The following ADAM9 variants were observed in gnomAD, a reference collection of about 807,000 sequenced individuals.
ADAM9 encodes the protein disintegrin and metalloproteinase domain-containing protein 9.
In ADAM9, 54 loss-of-function variants were observed where a neutral mutation model predicts 108.1. The observed-to-expected ratio is 0.50, with a 90% CI of 0.40 to 0.63. The LOEUF (loss-of-function observed/expected upper bound fraction) is 0.63, where lower values mean the gene tolerates loss of function less well. Ranked by LOEUF, ADAM9 falls within the 20% of genes least tolerant of loss-of-function variation. The pLI is 0.00. For synonymous variants in ADAM9, 316 were observed against 336.0 expected (o/e 0.94, Z 0.65); for missense variants, 830 against 997.7 (o/e 0.83, Z 2.26).
At chr8:39,093,970 C>G (rs1383088987) in intron 20 of ADAM9, among the ~76,000 whole-genome samples, 1 of 152,076 alleles carries the variant, frequency 6.6e-6, no homozygotes, top group Non-Finnish European at 1.5e-5. Context: ...CAGGGTTTTG[C>G]CATATTGGCC....
intron 16 of ADAM9, among the ~76,000 whole-genome samples, chr8:39,079,723 T>C (rs1450013358): frequency 6.6e-6 from 1 of 152,152 alleles, no homozygotes; most frequent in Admixed American, 6.5e-5. Context: ...TAGCTGGGAT[T>C]ACAGGCATCT....
intron 12 of ADAM9, among the ~76,000 whole-genome samples, chr8:39,054,225 T>A (rs1838043013): frequency 6.6e-6 from 1 of 152,130 alleles, no homozygotes; most frequent in Non-Finnish European, 1.5e-5. Flanking sequence ...AAACCTGTGG[T>A]ATTTTGTTAT....
chr8:39,090,162 C>T lies in ADAM9; in HGVS notation c.2184C>T (p.Phe728=), dbSNP rs1839306392. Residue 728 remains phenylalanine (F), a synonymous_variant, in exon 19 of 22, where the codon TTC becomes TTT. Coordinates refer to ENST00000487273, the MANE Select transcript of ADAM9 (RefSeq NM_003816.3). ...GGGATCAACTGTGGAGAAGCTACTT[C>T]AGAAAGAAGAGATCACAAACATATG... ...IKRDQLWRSY[F]RKKRSQTYES... is the part of the protein sequence containing the mutation. The T allele has an allele frequency of 6.2e-7, 1 of 1,613,744 alleles. No homozygotes were observed. The highest frequency in any genetic ancestry group is 1.1e-5 in the South Asian group (1 of 91,058).
intron 11 of ADAM9, among the ~76,000 whole-genome samples, chr8:39,030,010 C>CT (rs1837049435): frequency 6.6e-6 from 1 of 152,108 alleles, no homozygotes; most frequent in South Asian, 2.1e-4. Flanking sequence ...CTCCCATATA[C>CT]TTTCTGTCCC....
At chr8:39,056,461 T>A (rs913412310) in intron 14 of ADAM9, among the ~76,000 whole-genome samples, 1 of 152,156 alleles carries the variant, frequency 6.6e-6, no homozygotes. Flanking sequence ...CTATAGAAGA[T>A]GAGTTAGTTT....
intron 11 of ADAM9, among the ~76,000 whole-genome samples, chr8:39,039,843 A>G (rs541709197): frequency 2.6e-5 from 4 of 152,160 alleles, no homozygotes; most frequent in Non-Finnish European, 5.9e-5. Context: ...ATGGGATAAT[A>G]CAGACGTCTT....
At chr8:39,068,380 A>G (rs941050238) in intron 14 of ADAM9, among the ~76,000 whole-genome samples, 1 of 152,042 alleles carries the variant, frequency 6.6e-6, no homozygotes, top group African/African-American at 2.4e-5. Flanking sequence ...TGGAGGGCCA[A>G]GTCCTAGCTG....
In ADAM9 at chr8:39,017,115, A is replaced by G. The variant is rs1400160392; in HGVS notation, c.411-104A>G. ...TCTATTTTCTTCTCTATGTAATGCT[A>G]TGCCTACTTACACATTTAAGAATTA... On this transcript the variant is annotated intron_variant, in intron 5 of 21. Transcript: ENST00000487273. The G allele has an allele frequency of 1.0e-5, 12 of 1,187,540 alleles. No individual in the cohort carries two copies. The Admixed American group carries it at 2.1e-4, about 21-fold the overall frequency. 73.6% of individuals were successfully genotyped at this position (1,187,540 alleles called of 1,614,324 possible).
At chr8:39,078,193 T>A (rs538356161) in intron 16 of ADAM9, among the ~76,000 whole-genome samples, 2 of 152,126 alleles carry the variant, frequency 1.3e-5, no homozygotes, top group East Asian at 1.9e-4. Context: ...TACAAGAAGA[T>A]CCATATATTT....
intron 12 of ADAM9, among the ~76,000 whole-genome samples, chr8:39,049,962 A>C (rs1358354743): frequency 2.0e-5 from 3 of 152,174 alleles, no homozygotes; most frequent in African/African-American, 7.2e-5. Flanking sequence ...AATCATGATG[A>C]ACTTCCCTGC....
chr8:39,063,247 A>C (rs1838352386), intron 14 of ADAM9, among the ~76,000 whole-genome samples: 1 of 152,132 alleles, frequency 6.6e-6, no homozygotes, highest in South Asian at 2.1e-4. Flanking sequence ...CTTTAGGGGC[A>C]TTTTCTATGA....
intron 14 of ADAM9, among the ~76,000 whole-genome samples, chr8:39,068,672 CCTCAAA>C (rs1838572886): frequency 1.7e-5 from 1 of 60,194 alleles, no homozygotes; most frequent in African/African-American, 6.1e-5. Context: ...TGAAACTTCT[CCTCAAA>C]AAAAAAAAAA....
chr8:38,999,044 G>T (rs1835917898), intron 1 of ADAM9, among the ~76,000 whole-genome samples: 1 of 152,086 alleles, frequency 6.6e-6, no homozygotes, highest in East Asian at 1.9e-4. Flanking sequence ...GAGACTAGAG[G>T]CTGGGACACC....
intron 11 of ADAM9, among the ~76,000 whole-genome samples, chr8:39,028,726 C>T (rs1837004539): frequency 6.6e-6 from 1 of 152,162 alleles, no homozygotes; most frequent in African/African-American, 2.4e-5. Context: ...TAGATCGACT[C>T]ACCCTTCAAG....
chr8:39,082,685 T>C lies in ADAM9; in HGVS notation c.1926T>C (p.Tyr642=), dbSNP rs776467718. Residue 642 remains tyrosine (Y), a synonymous_variant, in exon 17 of 22, where the codon TAT becomes TAC. Transcript: ENST00000487273. The part of the protein sequence containing the change: ...FQCVDASVLN[Y]DCDVQKKCHG... ...GTGTAGATGCTTCTGTTCTGAATTATGACTGTGATGTTCAGAAAAAGTGTC... is the reference window on the plus strand; with the variant it reads ...GTGTAGATGCTTCTGTTCTGAATTACGACTGTGATGTTCAGAAAAAGTGTC... 6 of 1,613,056 alleles carry C rather than the reference T, an allele frequency of 3.7e-6. No homozygotes were observed. Among genetic ancestry groups the C allele is most frequent in the Admixed American group, 1.7e-5 (1 of 59,934 alleles).
Position 39,091,607 on chromosome 8 carries a change from C to T in ADAM9, c.2298+261C>T, listed in dbSNP as rs1018526458. Among the ~76,000 whole-genome samples the T allele has an allele frequency of 2.6e-5, 4 of 152,284 alleles. 1 individual carries two copies. The South Asian group carries it at 8.3e-4, about 32-fold the overall frequency. On this transcript the variant is annotated intron_variant, in intron 20 of 21. Transcript: ENST00000487273. ...GTTTCAAATGATTTCGTGCCTCAGC[C>T]TCCCGAGTAGCTGGGATTACAGGTG...
intron 19 of ADAM9, among the ~76,000 whole-genome samples, chr8:39,090,543 CTAAGTTA>C (rs1839320197): frequency 6.6e-6 from 1 of 152,136 alleles, no homozygotes; most frequent in Non-Finnish European, 1.5e-5. Flanking sequence ...AAATAGGGTT[CTAAGTTA>C]TTTCTCTGAC....
At chr8:39,084,400 A>G (rs1048111134) in intron 18 of ADAM9, among the ~76,000 whole-genome samples, 3 of 150,054 alleles carry the variant, frequency 2.0e-5, no homozygotes, top group Admixed American at 6.6e-5. Context: ...AAATTTTGAC[A>G]TGTTATACCT....
chr8:39,014,622 T>C, intron 4 of ADAM9: 1 of 701,054 alleles, frequency 1.4e-6, no homozygotes, highest in East Asian at 2.7e-5. Flanking sequence ...ATTTCTAGTT[T>C]TGTTTGAGTG....
Sources: allele counts gnomAD v4.1 joint callset (sites outside exome capture counted in the v4.1 genomes callset), GRCh38; gene constraint gnomAD v4.1.1; transcripts MANE v1.5; gene names NCBI Gene and HGNC (gene_info 2026-07-23, HGNC 2026-07-21).